LRRK1: variants seen among roughly 807,000 people sequenced by gnomAD.
LRRK1 encodes leucine rich repeat kinase 1, also known as leucine-rich repeat serine/threonine-protein kinase 1.
A neutral mutation model predicts 209.1 loss-of-function variants in LRRK1; 113 were observed. The ratio of observed to expected loss-of-function variants is 0.54; its 90% CI spans 0.46 to 0.63. The LOEUF is 0.63. Among genes scored for constraint, LRRK1 ranks in the 30% least tolerant of loss-of-function variants. The pLI, the probability that LRRK1 is intolerant of heterozygous loss-of-function variation, is 0.00. For missense variants in LRRK1, 2,284 were observed against 2,632.2 expected (o/e 0.87, Z 2.89); for synonymous variants, 1,144 against 1,099.7 (o/e 1.04, Z -0.80).
chr15:101,061,123 C>T (rs1475862854), intron 29 of LRRK1, 48 bp from the exon 30 acceptor site: 21 of 1,425,312 alleles, frequency 1.5e-5, no homozygotes, highest in Non-Finnish European at 2.0e-5. Context: ...GGAAAGGAGG[C>T]AGCCCCTGGC....
chr15:101,038,766 G>A (rs1202504115), intron 20 of LRRK1, among the ~76,000 whole-genome samples: 4 of 152,288 alleles, frequency 2.6e-5, no homozygotes, highest in Admixed American at 2.6e-4. Context: ...TCAGAGGCAA[G>A]TCTGAAATGC....
intron 4 of LRRK1, among the ~76,000 whole-genome samples, chr15:100,987,491 T>A (rs991588164): frequency 6.6e-6 from 1 of 152,200 alleles, no homozygotes; most frequent in Non-Finnish European, 1.5e-5. Flanking sequence ...ATTAAGTAGG[T>A]GGTTCTACTG....
At chr15:101,025,274 A>C (rs962531321) in intron 16 of LRRK1, among the ~76,000 whole-genome samples, 2 of 152,108 alleles carry the variant, frequency 1.3e-5, no homozygotes, top group African/African-American at 4.8e-5. Context: ...GGCTGCTGTC[A>C]TGTCTGAAGG....
rs1368415392 is a variant in LRRK1 at position 100,919,589 on chromosome 15, C to A, written c.-123+138C>A. The A allele has an allele frequency of 6.7e-6, 1 of 148,714 alleles. No homozygotes were observed. Among genetic ancestry groups the A allele is most frequent in the African/African-American group, 2.4e-5 (1 of 41,014 alleles). 9.2% of individuals were successfully genotyped at this position (148,714 alleles called of 1,614,324 possible). On this transcript the variant is annotated intron_variant, in intron 1 of 33. Transcript: ENST00000388948. This position sits in a 1 kb window ranked among gnomAD's most constrained non-coding sequence, Gnocchi z 5.8. ...CGCGGGCCCCTGCGCTCCGGGCGGC[C>A]GCGTGGTCGGGCACGGGGGGCCGTT...
chr15:100,959,190 T>G (rs1188757915), intron 2 of LRRK1, among the ~76,000 whole-genome samples: 1 of 152,190 alleles, frequency 6.6e-6, no homozygotes, highest in Non-Finnish European at 1.5e-5. Context: ...GCCGTAACTG[T>G]AGATGGGCAA....
chr15:101,005,428 C>G (rs948234370), intron 6 of LRRK1, among the ~76,000 whole-genome samples: 1 of 151,942 alleles, frequency 6.6e-6, no homozygotes, highest in African/African-American at 2.4e-5. Flanking sequence ...GTGATACAGT[C>G]GTGAATTGTG....
chr15:101,009,703 T>C (rs575713624), intron 7 of LRRK1, among the ~76,000 whole-genome samples: 2 of 152,304 alleles, frequency 1.3e-5, no homozygotes, highest in African/African-American at 4.8e-5. Context: ...TTCTCCTGTC[T>C]CAGCCTCCCG....
intron 2 of LRRK1, among the ~76,000 whole-genome samples, chr15:100,951,586 T>C (rs556095732): frequency 2.6e-4 from 39 of 152,282 alleles, no homozygotes; most frequent in African/African-American, 9.1e-4. Context: ...GGTCTATTCA[T>C]ACAGTGGAAT....
chr15:101,051,645 T>C, intron 23 of LRRK1, 66 bp from the exon 24 acceptor site: 1 of 1,440,464 alleles, frequency 6.9e-7, no homozygotes, highest in South Asian at 1.3e-5. Context: ...GGGTGCAGAG[T>C]GCTGCTCGGG....
intron 2 of LRRK1, among the ~76,000 whole-genome samples, chr15:100,938,652 T>G (rs1380243068): frequency 6.6e-6 from 1 of 151,832 alleles, no homozygotes. Context: ...ATTCCATACT[T>G]ATAGCTTAAG....
At chr15:100,922,775 G>A (rs1655257910) in intron 1 of LRRK1, among the ~76,000 whole-genome samples, 1 of 152,088 alleles carries the variant, frequency 6.6e-6, no homozygotes, top group Non-Finnish European at 1.5e-5. Flanking sequence ...GACTTTTCAG[G>A]CTTCCCAACT....
In LRRK1 at chr15:101,056,161, C is replaced by G. The variant is rs565955057; in HGVS notation, c.4333-695C>G. On this transcript the variant is annotated intron_variant, in intron 27 of 33. Transcript: ENST00000388948. ...TCCTGCTAAAATGTTATTTCTTGACCCTTATAGGGGTCTGTATAAATTTTT... is the reference window on the plus strand; with the variant it reads ...TCCTGCTAAAATGTTATTTCTTGACGCTTATAGGGGTCTGTATAAATTTTT... Among the ~76,000 whole-genome samples the G allele has an allele frequency of 2.3e-4, 35 of 152,260 alleles. No homozygotes were observed. In the South Asian group the frequency reaches 5.8e-3, roughly 25 times the overall value.
rs2032034285 is a variant in LRRK1, at chr15:100,989,270, T to C, written c.634T>C (p.Phe212Leu). 2.5e-6 allele frequency: 4 copies of C among 1,614,072 alleles called. No individual in the cohort carries two copies. In the Middle Eastern group the frequency reaches 4.9e-4, roughly 199 times the overall value. ...TTTAGGGAATGAAGACATTGCAATATTCCTGCTTCGGCATGGGGCCTATTT... is the reference window on the plus strand; with the variant it reads ...TTTAGGGAATGAAGACATTGCAATACTCCTGCTTCGGCATGGGGCCTATTT... The part of the protein sequence containing the change: ...IKSGNEDIAI[F>L]LLRHGAYFCS... Residue 212 changes from phenylalanine to leucine, a missense_variant, in exon 6 of 34, where the codon TTC (phenylalanine) becomes CTC (leucine). Phe to Leu is a conservative substitution (Grantham distance 22, BLOSUM62 0). This residue lies in a region of LRRK1 where 134 missense variants were observed against 191.7 expected (regional missense o/e 0.70). Transcript: ENST00000388948.
At chr15:100,972,335 T>TATATGAGAGAGA (rs754464630) in intron 2 of LRRK1, among the ~76,000 whole-genome samples, 2 of 106,208 alleles carry the variant, frequency 1.9e-5, no homozygotes, top group African/African-American at 3.1e-5. Flanking sequence ...TATATATATA[T>TATATGAGAGAGA]GAGAGAGAGA....
intron 3 of LRRK1, among the ~76,000 whole-genome samples, chr15:100,982,854 C>T (rs1406999728): frequency 6.6e-6 from 1 of 152,224 alleles, no homozygotes; most frequent in Non-Finnish European, 1.5e-5. Context: ...TCGAGAGCAG[C>T]AAATGCGAGC....
chr15:101,062,087 C>A (rs1206259887), intron 30 of LRRK1, among the ~76,000 whole-genome samples: 1 of 152,268 alleles, frequency 6.6e-6, no homozygotes, highest in East Asian at 1.9e-4. Context: ...GATGCTCCCA[C>A]AACATTTCCT....
intron 6 of LRRK1, among the ~76,000 whole-genome samples, chr15:100,990,084 A>G (rs553471024): frequency 1.3e-5 from 2 of 152,346 alleles, no homozygotes; most frequent in East Asian, 1.9e-4. Context: ...ATCCTTCCAC[A>G]TGCAATGCTA....
intron 7 of LRRK1, among the ~76,000 whole-genome samples, 189 bp downstream of exon 7, chr15:101,009,252 T>C (rs988488612): frequency 6.6e-6 from 1 of 152,264 alleles, no homozygotes; most frequent in African/African-American, 2.4e-5. Flanking sequence ...AGAGAGATCA[T>C]TTGTCTGGCC....
chr15:100,920,819 C>T (rs891380379), intron 1 of LRRK1, among the ~76,000 whole-genome samples: 3 of 152,076 alleles, frequency 2.0e-5, no homozygotes, highest in African/African-American at 7.2e-5. Context: ...CCTTCAGTAG[C>T]TTCTCCTTGC....
Sources: gnomAD v4.1 joint callset for allele counts (sites outside exome capture counted in the v4.1 genomes callset) on GRCh38, gnomAD v4.1.1 for gene constraint, gnomAD v4.1.1 regional missense constraint, Gnocchi (gnomAD v3.1) non-coding constraint, MANE v1.5 for transcripts, NCBI Gene and HGNC (gene_info 2026-07-23, HGNC 2026-07-21) for gene names.